Variants in AUTS2 observed in about 807,000 individuals in gnomAD.
The protein encoded by AUTS2 is activator of transcription and developmental regulator AUTS2.
A neutral mutation model predicts 112.4 loss-of-function variants in AUTS2; 17 were observed. The ratio of observed to expected loss-of-function variants is 0.15; its 90% CI spans 0.10 to 0.23. The LOEUF (loss-of-function observed/expected upper bound fraction) is 0.23, where lower values mean the gene tolerates loss of function less well. Among genes scored for constraint, AUTS2 ranks in the 10% least tolerant of loss-of-function variants. The pLI is 1.00. For synonymous variants in AUTS2, 751 were observed against 702.7 expected (o/e 1.07, Z -1.09); for missense variants, 1,510 against 1,701.6 (o/e 0.89, Z 1.98).
intron 1 of AUTS2, among the ~76,000 whole-genome samples, chr7:69,829,326 G>T (rs1451579886): frequency 6.6e-6 from 1 of 152,140 alleles, no homozygotes; most frequent in Non-Finnish European, 1.5e-5. Flanking sequence ...CAGGACATAG[G>T]CATGGGGCAA....
At chr7:70,121,745 C>T (rs935742218) in intron 3 of AUTS2, among the ~76,000 whole-genome samples, 5 of 152,018 alleles carry the variant, frequency 3.3e-5, no homozygotes, top group East Asian at 1.9e-4. Context: ...TGTAAAATGA[C>T]GCAGCCACTG....
At chr7:70,115,117 G>A (rs36051712) in intron 2 of AUTS2, among the ~76,000 whole-genome samples, 1 of 152,146 alleles carries the variant, frequency 6.6e-6, no homozygotes, top group East Asian at 1.9e-4. Context: ...CCTTAGCCTA[G>A]ATCAACATTT....
At chr7:70,228,661 T>A (rs951270845) in intron 4 of AUTS2, among the ~76,000 whole-genome samples, 1 of 151,952 alleles carries the variant, frequency 6.6e-6, no homozygotes, top group South Asian at 2.1e-4. Context: ...GTATTAAACT[T>A]TGTCAGTTTA....
intron 4 of AUTS2, among the ~76,000 whole-genome samples, chr7:70,408,636 A>G (rs1794643666): frequency 6.6e-6 from 1 of 152,326 alleles, no homozygotes; most frequent in East Asian, 1.9e-4. Context: ...AAGTACAGCC[A>G]TAAATTACTT....
At chr7:69,784,412 G>A (rs947152856) in intron 1 of AUTS2, among the ~76,000 whole-genome samples, 2 of 152,158 alleles carry the variant, frequency 1.3e-5, no homozygotes, top group African/African-American at 2.4e-5. Context: ...CAACCTTCTG[G>A]TTTGTTTTGC....
At chr7:70,419,162 ATGACTGT>A (rs1795111555) in intron 4 of AUTS2, among the ~76,000 whole-genome samples, 1 of 152,080 alleles carries the variant, frequency 6.6e-6, no homozygotes, top group African/African-American at 2.4e-5. Context: ...AAACTTCCCT[ATGACTGT>A]GATCACTTTT....
At chr7:69,880,889 T>G (rs576196022) in intron 1 of AUTS2, among the ~76,000 whole-genome samples, 18 of 152,312 alleles carry the variant, frequency 1.2e-4, no homozygotes, top group African/African-American at 4.3e-4. Context: ...GCTCCTCTCA[T>G]GGTGAGAGAG....
chr7:70,636,743 C>T (rs1805554032), intron 5 of AUTS2, among the ~76,000 whole-genome samples: 2 of 151,336 alleles, frequency 1.3e-5, no homozygotes, highest in Admixed American at 6.6e-5. Flanking sequence ...AACTCCTGGG[C>T]TCAAGGGATC....
At chr7:70,360,041 A>G (rs1792189596) in intron 4 of AUTS2, among the ~76,000 whole-genome samples, 1 of 152,344 alleles carries the variant, frequency 6.6e-6, no homozygotes, top group Non-Finnish European at 1.5e-5. Context: ...TTTATCTGAC[A>G]GACAATGGCT....
At chr7:70,025,026 CTG>C (rs1800451637) in intron 2 of AUTS2, among the ~76,000 whole-genome samples, 2 of 152,152 alleles carry the variant, frequency 1.3e-5, no homozygotes, top group African/African-American at 2.4e-5. Flanking sequence ...TTTTCCCTCA[CTG>C]TGTGTTTCTG....
intron 2 of AUTS2, among the ~76,000 whole-genome samples, chr7:69,987,701 CT>C (rs1313172425): frequency 6.6e-6 from 1 of 152,116 alleles, no homozygotes; most frequent in Non-Finnish European, 1.5e-5. Flanking sequence ...AATTTCTGTC[CT>C]CAAGTGATAC....
intron 4 of AUTS2, among the ~76,000 whole-genome samples, chr7:70,377,700 A>G (rs1204210801): frequency 6.6e-6 from 1 of 151,132 alleles, no homozygotes; most frequent in African/African-American, 2.4e-5. Flanking sequence ...TGACTACTCT[A>G]GGTATCTCAT....
chr7:69,760,121 A>G (rs1166856893), intron 1 of AUTS2, among the ~76,000 whole-genome samples: 2 of 151,780 alleles, frequency 1.3e-5, no homozygotes, highest in African/African-American at 2.4e-5. Context: ...CATGTTCTGT[A>G]ACAAACTCAG....
At chr7:70,683,863 A>G (rs1184042201) in intron 5 of AUTS2, among the ~76,000 whole-genome samples, 1 of 152,220 alleles carries the variant, frequency 6.6e-6, no homozygotes, top group Non-Finnish European at 1.5e-5. Flanking sequence ...GAATGGCCAT[A>G]GTAGGGTTTC....
At chr7:70,267,424 C>T (rs1787485408) in intron 4 of AUTS2, among the ~76,000 whole-genome samples, 1 of 152,112 alleles carries the variant, frequency 6.6e-6, no homozygotes. Flanking sequence ...GAAATCTTGT[C>T]TTCTACCCAG....
intron 5 of AUTS2, among the ~76,000 whole-genome samples, chr7:70,507,914 T>C (rs1367850629): frequency 2.0e-5 from 3 of 152,242 alleles, no homozygotes; most frequent in Non-Finnish European, 4.4e-5. Context: ...ATATGGGCAA[T>C]GCATGTGTGG....
intron 4 of AUTS2, among the ~76,000 whole-genome samples, chr7:70,193,339 A>C (rs2129583847): frequency 6.6e-6 from 1 of 152,334 alleles, no homozygotes; most frequent in East Asian, 1.9e-4. Context: ...TAAGTCAATG[A>C]AGTAAAAATG....
intron 1 of AUTS2, among the ~76,000 whole-genome samples, chr7:69,857,308 T>C (rs2129531090): frequency 6.6e-6 from 1 of 152,314 alleles, no homozygotes; most frequent in South Asian, 2.1e-4. Flanking sequence ...TATTTCTATA[T>C]GTCGGTCTTT....
intron 5 of AUTS2, among the ~76,000 whole-genome samples, chr7:70,493,489 G>A (rs1798329731): frequency 6.6e-6 from 1 of 152,098 alleles, no homozygotes; most frequent in Non-Finnish European, 1.5e-5. Context: ...GGATTTCACT[G>A]CTATATTCTA....
Sources: allele counts gnomAD v4.1 joint callset (sites outside exome capture counted in the v4.1 genomes callset), GRCh38; gene constraint gnomAD v4.1.1; transcripts MANE v1.5; gene names NCBI Gene and HGNC (gene_info 2026-07-23, HGNC 2026-07-21).